The following STMN1 variants were observed in gnomAD, a reference collection of about 807,000 sequenced individuals.
STMN1 encodes the protein stathmin.
A neutral mutation model predicts 19.7 loss-of-function variants in STMN1; 3 were observed. The ratio of observed to expected loss-of-function variants is 0.15; its 90% CI spans 0.07 to 0.39. The LOEUF is 0.39. Among genes scored for constraint, STMN1 ranks in the 10% least tolerant of loss-of-function variants. The pLI is 1.00. For missense variants in STMN1, 99 were observed against 176.0 expected, an observed-to-expected ratio of 0.56 and a Z score of 2.48; for synonymous variants, 59 against 58.9, an observed-to-expected ratio of 1.00 and a Z score of -0.01.
At chr1:25,892,859 G>A (rs1422819458) in intron 4 of STMN1, among the ~76,000 whole-genome samples, 1 of 152,076 alleles carries the variant, frequency 6.6e-6, no homozygotes, top group Non-Finnish European at 1.5e-5. Flanking sequence ...CCGTGATTTG[G>A]GGAAAAAAGC....
At chr1:25,901,334 A>C in intron 4 of STMN1, 157 bp downstream of exon 4, 1 of 1,146,674 alleles carries the variant, frequency 8.7e-7, no homozygotes, top group Non-Finnish European at 1.2e-6. Flanking sequence ...GAATTACTGA[A>C]TATTCCATCT....
chr1:25,891,662 CAG>C (rs1460710410), intron 4 of STMN1, among the ~76,000 whole-genome samples: 1 of 152,214 alleles, frequency 6.6e-6, no homozygotes, highest in Non-Finnish European at 1.5e-5. Flanking sequence ...GCCAAAGACC[CAG>C]AGAGTTGGCA....
chr1:25,905,437 T>C (rs1351667696), intron 1 of STMN1: 2 of 152,196 alleles, frequency 1.3e-5, no homozygotes, highest in African/African-American at 4.8e-5. Flanking sequence ...AGCGACAAGA[T>C]TTAAGAAAAG....
exon 5 of STMN1, chr1:25,885,696 C>A (rs1263331395): frequency 6.5e-7 from 1 of 1,542,262 alleles, no homozygotes; most frequent in Admixed American, 2.0e-5. Flanking sequence ...TCATTGCTAT[C>A]ATCAACAGCA....
intron 4 of STMN1, chr1:25,887,382 A>G: frequency 3.3e-6 from 1 of 301,722 alleles, no homozygotes; most frequent in Non-Finnish European, 6.5e-6. Context: ...CTCAATCCCG[A>G]AGCTTTCCTC....
At position 25,891,820 on chromosome 1, in the gene STMN1, A is replaced by G. The variant is rs1345979788; in HGVS notation, c.379-5951T>C. On this transcript the variant is annotated intron_variant, in intron 4 of 4. Coordinates refer to the STMN1 transcript ENST00000426559. ...GCCACCCCCCACCACCAACACACAC[A>G]ATGAGGGGGAAATGGCAGGCTGGGG... Among the ~76,000 whole-genome samples, 5 of 152,032 alleles carry G rather than the reference A, an allele frequency of 3.3e-5. No individual in the cohort carries two copies. In the East Asian group the frequency reaches 9.6e-4, roughly 29 times the overall value.
At chr1:25,900,059 C>T (rs1338892392), downstream of STMN1, 1 of 984,414 alleles carries the variant, frequency 1.0e-6, no homozygotes, top group Admixed American at 6.1e-5. Flanking sequence ...CCTTAACCAC[C>T]CGAGTCAAAT....
intron 4 of STMN1, chr1:25,888,903 AC>A (rs2048747645): frequency 2.9e-6 from 1 of 347,246 alleles, no homozygotes; most frequent in Non-Finnish European, 5.7e-6. Context: ...CTTAACAACA[AC>A]AAAAACAATG....
chr1:25,888,769 A>T (rs190878872), intron 4 of STMN1, among the ~76,000 whole-genome samples: 5 of 152,198 alleles, frequency 3.3e-5, no homozygotes, highest in Non-Finnish European at 7.3e-5. Context: ...TGTCCCAGCC[A>T]TCATGTGACT....
downstream of STMN1, chr1:25,885,241 C>T (rs1200189424): frequency 6.5e-6 from 1 of 153,910 alleles, no homozygotes; most frequent in Non-Finnish European, 1.5e-5. Flanking sequence ...GCCCTGCATT[C>T]CCCAGGAAGG....
At chr1:25,898,612 A>C (rs1430545491), downstream of STMN1, among the ~76,000 whole-genome samples, 3 of 152,250 alleles carry the variant, frequency 2.0e-5, no homozygotes, top group African/African-American at 7.2e-5. Context: ...CACTGAGCCC[A>C]GTCAACCATA....
At chr1:25,904,101 C>T (rs952472064) in intron 2 of STMN1, among the ~76,000 whole-genome samples, 2 of 152,046 alleles carry the variant, frequency 1.3e-5, no homozygotes, top group Non-Finnish European at 2.9e-5. Flanking sequence ...TCCCTTGAGC[C>T]CTGAAGTTTG....
chr1:25,899,253 G>A (rs1051096995), downstream of STMN1, among the ~76,000 whole-genome samples: 4 of 152,114 alleles, frequency 2.6e-5, no homozygotes, highest in Admixed American at 1.3e-4. Flanking sequence ...ACTGCCACTT[G>A]TAGGACACCT....
chr1:25,885,470 CTGGGCCCTCTACGT>C (rs1365336637), exon 5 of STMN1: 2 of 349,764 alleles, frequency 5.7e-6, no homozygotes, highest in Non-Finnish European at 1.0e-5. Context: ...CTGTGAGCTG[CTGGGCCCTCTACGT>C]TGGCAGTGTC....
intron 4 of STMN1, among the ~76,000 whole-genome samples, chr1:25,888,542 T>A (rs773227814): frequency 2.0e-4 from 30 of 152,264 alleles, no homozygotes; most frequent in Non-Finnish European, 1.3e-4. Context: ...GGTAACCTCA[T>A]CCTCCTTCCC....
Position 25,901,038 on chromosome 1 carries a change from G to A in STMN1, c.428C>T (p.Ala143Val). The change falls in exon 5 of 5, where the codon GCT becomes GTT. Residue 143 changes from alanine to valine, a missense_variant. Ala to Val is a moderately conservative substitution (Grantham distance 64). Around this residue, in one of 3 missense-constraint regions of STMN1, gnomAD observed 54 missense variants for 79.4 expected, o/e 0.68. Coordinates refer to ENST00000455785, the MANE Select transcript of STMN1 (RefSeq NM_005563.4). Reference sequence around the variant, plus strand: ...AAATTAGTCAGCTTCAGTCTCGTCAGCAGGGTCTTTGGATTCTTTGTTCTT... The same window carrying A: ...AAATTAGTCAGCTTCAGTCTCGTCAACAGGGTCTTTGGATTCTTTGTTCTT... Reference protein sequence around the residue: ...VRKNKESKDPADETEAD With the variant: ...VRKNKESKDPVDETEAD 6.2e-7 allele frequency: 1 copy of A among 1,612,604 alleles called. No individual in the cohort carries two copies.
downstream of STMN1, among the ~76,000 whole-genome samples, chr1:25,895,411 G>A (rs555436786): frequency 1.3e-5 from 2 of 152,268 alleles, no homozygotes; most frequent in African/African-American, 4.8e-5. Context: ...TATACTGACT[G>A]GACTTTTGAT....
chr1:25,901,647 C>T lies in STMN1; in HGVS notation c.222G>A (p.Glu74=), dbSNP rs372963145. The change falls in exon 4 of 5, where the codon GAG becomes GAA. Residue 74 remains glutamate (E), a synonymous_variant. Coordinates refer to ENST00000455785, the MANE Select transcript of STMN1 (RefSeq NM_005563.4). ...GCACTTCTTTCTCGTGCTCTCGTTT[C>T]TCAGCCAGCTGCTTCAAGACCTCAG... The part of the protein sequence containing the change: ...HEAEVLKQLA[E]KREHEKEVLQ... The T allele has an allele frequency of 6.2e-6, 10 of 1,612,798 alleles. No homozygotes were observed. Among genetic ancestry groups the T allele is most frequent in the Non-Finnish European group, 8.5e-6 (10 of 1,179,672 alleles).
chr1:25,893,861 T>A (rs555439838), intron 4 of STMN1, among the ~76,000 whole-genome samples: 48 of 152,276 alleles, frequency 3.2e-4, no homozygotes, highest in Non-Finnish European at 5.7e-4. Context: ...GTTATTAAAG[T>A]GTCCCTGTCA....
Sources: allele counts gnomAD v4.1 joint callset (sites outside exome capture counted in the v4.1 genomes callset), GRCh38; gene constraint gnomAD v4.1.1; regional missense constraint gnomAD v4.1.1; transcripts MANE v1.5; gene names NCBI Gene and HGNC (gene_info 2026-07-23, HGNC 2026-07-21).